Variants in RBMS3 observed in about 807,000 individuals in gnomAD.
The protein encoded by RBMS3 is RNA-binding motif, single-stranded-interacting protein 3.
RBMS3 carries 27 observed loss-of-function variants against 66.8 expected under a neutral mutation model. The observed-to-expected ratio is 0.40, with a 90% confidence interval of 0.30 to 0.56. The LOEUF (loss-of-function observed/expected upper bound fraction) is 0.56, where lower values mean the gene tolerates loss of function less well. RBMS3 is among the 20% of genes least tolerant of loss of function. The probability of loss-of-function intolerance (pLI) is 0.40; values close to 1 mark genes in which losing one functional copy is unlikely to be tolerated. For missense variants in RBMS3, 513 were observed against 549.5 expected (o/e 0.93, Z 0.66); for synonymous variants, 188 against 183.0 (o/e 1.03, Z -0.22).
Position 30,004,060 on chromosome 3 carries a change from AC to A in RBMS3, c.*199del, listed in dbSNP as rs1699730249. On this transcript the variant is annotated 3_prime_UTR_variant, in exon 15 of 15. Coordinates refer to ENST00000383767, the MANE Select transcript of RBMS3 (RefSeq NM_001003793.3). ...GTGCAAATGGTCTTCATGTGGTCTGACAATTTATTTTTGCCATCATTTTTTT... is the reference window on the plus strand; with the variant it reads ...GTGCAAATGGTCTTCATGTGGTCTGAAATTTATTTTTGCCATCATTTTTTT... The A allele has an allele frequency of 2.6e-6, 1 of 385,846 alleles. No individual in the cohort carries two copies. The allele number at this position is 385,846 out of a possible 1,614,324, so 23.9% of individuals were successfully genotyped here.
chr3:29,655,779 G>A (rs1269835595), intron 4 of RBMS3, among the ~76,000 whole-genome samples: 1 of 152,088 alleles, frequency 6.6e-6, no homozygotes, highest in Non-Finnish European at 1.5e-5. Flanking sequence ...AGATATTCCA[G>A]ATGAAGGCAT....
At chr3:29,841,288 A>C (rs567904383) in intron 6 of RBMS3, among the ~76,000 whole-genome samples, 1 of 152,062 alleles carries the variant, frequency 6.6e-6, no homozygotes, top group African/African-American at 2.4e-5. Flanking sequence ...CAGTACATTT[A>C]ATATTTTCAG....
chr3:29,507,202 G>T (rs2044215820), intron 3 of RBMS3, among the ~76,000 whole-genome samples: 1 of 151,318 alleles, frequency 6.6e-6, no homozygotes, highest in East Asian at 1.9e-4. Flanking sequence ...AAAAAAAAAT[G>T]AGGTTCTTTT....
chr3:29,952,065 C>T (rs1307219738), intron 12 of RBMS3, among the ~76,000 whole-genome samples: 1 of 151,656 alleles, frequency 6.6e-6, no homozygotes. Flanking sequence ...TTTAAGGAGA[C>T]ATTTATGTAC....
intron 3 of RBMS3, among the ~76,000 whole-genome samples, chr3:29,564,263 G>C (rs2046661970): frequency 6.6e-6 from 1 of 151,936 alleles, no homozygotes; most frequent in Admixed American, 6.6e-5. Flanking sequence ...GATCACCTGA[G>C]GTCAGGAGTT....
chr3:29,870,009 G>A (rs2059451388), intron 7 of RBMS3, among the ~76,000 whole-genome samples: 1 of 152,060 alleles, frequency 6.6e-6, no homozygotes, highest in Non-Finnish European at 1.5e-5. Flanking sequence ...GTGTTTCCAT[G>A]CAGGTCTCAA....
chr3:29,859,933 G>A (rs1027207953), intron 6 of RBMS3, among the ~76,000 whole-genome samples: 1 of 152,094 alleles, frequency 6.6e-6, no homozygotes, highest in Non-Finnish European at 1.5e-5. Context: ...GGCATCAGAA[G>A]TCTATCATGC....
At chr3:29,624,775 A>T (rs182656148) in intron 4 of RBMS3, among the ~76,000 whole-genome samples, 1 of 152,306 alleles carries the variant, frequency 6.6e-6, no homozygotes, top group East Asian at 1.9e-4. Context: ...TCAGTATATG[A>T]TGATACCTTT....
chr3:29,900,978 A>G (rs2149609799), intron 10 of RBMS3, among the ~76,000 whole-genome samples: 1 of 151,900 alleles, frequency 6.6e-6, no homozygotes, highest in Non-Finnish European at 1.5e-5. Context: ...ATTTTTTTAA[A>G]TAAGGAACTT....
At chr3:29,356,582 A>T (rs2037234518) in intron 1 of RBMS3, among the ~76,000 whole-genome samples, 1 of 152,178 alleles carries the variant, frequency 6.6e-6, no homozygotes, top group Admixed American at 6.5e-5. Flanking sequence ...ATTCTTGCCA[A>T]ATGTGCATAT....
chr3:29,838,880 C>T (rs1036870622), intron 6 of RBMS3, among the ~76,000 whole-genome samples: 3 of 151,992 alleles, frequency 2.0e-5, no homozygotes, highest in Non-Finnish European at 4.4e-5. Flanking sequence ...ATTGGGTCAC[C>T]GTTAGGTAGC....
At chr3:29,709,758 C>T (rs1235051542) in intron 4 of RBMS3, among the ~76,000 whole-genome samples, 1 of 152,068 alleles carries the variant, frequency 6.6e-6, no homozygotes, top group East Asian at 1.9e-4. Context: ...ATTTAAAAAC[C>T]TAACTTTTAA....
chr3:29,973,883 C>T (rs1244224108), intron 12 of RBMS3, among the ~76,000 whole-genome samples: 1 of 151,620 alleles, frequency 6.6e-6, no homozygotes, highest in Admixed American at 6.6e-5. Context: ...TATTGTTGCC[C>T]CCTCTTTCAG....
At chr3:29,400,512 C>G (rs2039758832) in intron 1 of RBMS3, among the ~76,000 whole-genome samples, 1 of 151,798 alleles carries the variant, frequency 6.6e-6, no homozygotes, top group African/African-American at 2.4e-5. Context: ...AGTGATTGTG[C>G]AACTATGTGG....
chr3:29,739,935 T>C, intron 5 of RBMS3, 58 bp downstream of exon 5: 1 of 1,330,134 alleles, frequency 7.5e-7, no homozygotes, highest in Non-Finnish European at 9.9e-7. Flanking sequence ...TTAAATTCCA[T>C]TCCTTTTTTA....
chr3:29,826,691 T>C (rs1287123736), intron 6 of RBMS3, among the ~76,000 whole-genome samples: 1 of 152,206 alleles, frequency 6.6e-6, no homozygotes, highest in Non-Finnish European at 1.5e-5. Context: ...TTCAGTTTCT[T>C]GAAATCACCT....
intron 1 of RBMS3, among the ~76,000 whole-genome samples, chr3:29,323,826 A>T (rs988127537): frequency 1.3e-5 from 2 of 151,998 alleles, no homozygotes; most frequent in Non-Finnish European, 2.9e-5. Context: ...ATTTTTATTT[A>T]AGCTTGTACG....
At chr3:29,470,844 C>T (rs1247782697) in intron 2 of RBMS3, among the ~76,000 whole-genome samples, 1 of 146,478 alleles carries the variant, frequency 6.8e-6, no homozygotes, top group Non-Finnish European at 1.5e-5. Flanking sequence ...TAAACAAACA[C>T]ACAAATAAAT....
At chr3:29,904,309 A>G (rs1425000330) in intron 10 of RBMS3, among the ~76,000 whole-genome samples, 1 of 152,028 alleles carries the variant, frequency 6.6e-6, no homozygotes, top group Non-Finnish European at 1.5e-5. Flanking sequence ...CATTGTAAAC[A>G]AAATCAGATA....
Sources: allele counts gnomAD v4.1 joint callset (sites outside exome capture counted in the v4.1 genomes callset), GRCh38; gene constraint gnomAD v4.1.1; transcripts MANE v1.5; gene names NCBI Gene and HGNC (gene_info 2026-07-23, HGNC 2026-07-21).